The following TMEM63C variants were observed in gnomAD, a reference collection of about 807,000 sequenced individuals.
TMEM63C encodes the protein transmembrane protein 63C, also known as osmosensitive cation channel TMEM63C.
Under a neutral mutation model 99.2 loss-of-function variants are expected in TMEM63C, and 32 were observed. The ratio of observed to expected loss-of-function variants is 0.32; its 90% CI spans 0.24 to 0.43. TMEM63C has a LOEUF of 0.43. Ranked by LOEUF, TMEM63C falls within the 20% of genes least tolerant of loss-of-function variation. TMEM63C has a pLI of 1.00. For synonymous variants in TMEM63C, 376 were observed against 397.9 expected (o/e 0.94, Z 0.66); for missense variants, 826 against 1,053.0 (o/e 0.78, Z 2.98).
rs1335779502 is a variant in TMEM63C at position 77,220,097 on chromosome 14, G to T, written c.312+10G>T. The T allele has an allele frequency of 6.4e-7, 1 of 1,554,806 alleles. No individual in the cohort carries two copies. The highest frequency in any genetic ancestry group is 1.4e-5 in the African/African-American group (1 of 73,332). ...GGAACGCAGAGACAAGGTGAGTGCT[G>T]GGAGCGGTCTGGGCGGTGGGAGTCC... On this transcript the variant is annotated intron_variant, in intron 5 of 23. Coordinates refer to ENST00000298351, the MANE Select transcript of TMEM63C (RefSeq NM_020431.4).
At chr14:77,237,204 G>A (rs1209567343) in intron 9 of TMEM63C, among the ~76,000 whole-genome samples, 2 of 152,094 alleles carry the variant, frequency 1.3e-5, no homozygotes, top group Non-Finnish European at 2.9e-5. Context: ...AAGGCCCAGT[G>A]GACCAGCGGG....
At chr14:77,220,136 G>T in intron 5 of TMEM63C, 49 bp downstream of exon 5, 2 of 1,516,598 alleles carry the variant, frequency 1.3e-6, no homozygotes, top group Non-Finnish European at 1.8e-6. Flanking sequence ...CACTGGGCAG[G>T]CAGGCGTGGT....
At chr14:77,231,814 C>A in intron 7 of TMEM63C, 84 bp downstream of exon 7, 2 of 1,438,292 alleles carry the variant, frequency 1.4e-6, no homozygotes, top group Non-Finnish European at 1.9e-6. Flanking sequence ...GGTTGAGGGT[C>A]TAGACATCTA....
intron 2 of TMEM63C, among the ~76,000 whole-genome samples, chr14:77,215,684 C>T (rs1232702627): frequency 6.6e-6 from 1 of 151,810 alleles, no homozygotes; most frequent in Non-Finnish European, 1.5e-5. Flanking sequence ...CGCCGCCACT[C>T]CTGGGACCAG....
intron 1 of TMEM63C, among the ~76,000 whole-genome samples, chr14:77,190,289 T>C (rs1192534141): frequency 6.6e-6 from 1 of 151,862 alleles, no homozygotes; most frequent in Non-Finnish European, 1.5e-5. Context: ...TTCATAAAAT[T>C]CTCCTCCAAA....
intron 13 of TMEM63C, 127 bp downstream of exon 13, chr14:77,240,735 G>T: frequency 8.2e-7 from 1 of 1,226,198 alleles, no homozygotes; most frequent in Non-Finnish European, 1.1e-6. Context: ...ACAGGCAGCT[G>T]CCATCTGGCT....
At chr14:77,236,880 A>C in intron 9 of TMEM63C, 148 bp downstream of exon 9, 3 of 632,454 alleles carry the variant, frequency 4.7e-6, no homozygotes, top group Non-Finnish European at 8.5e-6. Flanking sequence ...AGCAGGGGCC[A>C]AGCTTCCTCC....
intron 1 of TMEM63C, among the ~76,000 whole-genome samples, chr14:77,203,992 G>A (rs936554221): frequency 6.6e-6 from 1 of 152,262 alleles, no homozygotes; most frequent in East Asian, 1.9e-4. Flanking sequence ...CCAGACTCCT[G>A]CAGAGGAAGC....
chr14:77,243,152 TGTGGAG>T, intron 15 of TMEM63C, 96 bp downstream of exon 15: 2 of 1,414,950 alleles, frequency 1.4e-6, no homozygotes, highest in Non-Finnish European at 1.9e-6. Flanking sequence ...GGGAGGGGGC[TGTGGAG>T]CCCATACAGT....
chr14:77,215,361 G>T (rs528962577), intron 2 of TMEM63C, among the ~76,000 whole-genome samples: 1 of 152,070 alleles, frequency 6.6e-6, no homozygotes, highest in Non-Finnish European at 1.5e-5. Flanking sequence ...AGCACTTTGG[G>T]AGGCCGAGGT....
chr14:77,203,660 G>A (rs1184201918), intron 1 of TMEM63C, among the ~76,000 whole-genome samples: 1 of 152,262 alleles, frequency 6.6e-6, no homozygotes, highest in Non-Finnish European at 1.5e-5. Flanking sequence ...CATATGTAAT[G>A]GATCCCTGCC....
intron 14 of TMEM63C, 147 bp from the exon 15 acceptor site, chr14:77,242,756 T>C (rs906228147): frequency 2.1e-6 from 2 of 965,958 alleles, no homozygotes; most frequent in South Asian, 1.5e-5. Flanking sequence ...CAGGGGACGG[T>C]CCAGGGTCCT....
intron 1 of TMEM63C, among the ~76,000 whole-genome samples, chr14:77,183,926 A>G (rs1004056814): frequency 6.6e-6 from 1 of 152,118 alleles, no homozygotes; most frequent in East Asian, 1.9e-4. Context: ...CTAGCAGAGA[A>G]AGGGTCAGGC....
chr14:77,244,312 G>T, intron 15 of TMEM63C, 37 bp from the exon 16 acceptor site: 1 of 1,474,630 alleles, frequency 6.8e-7, no homozygotes, highest in Non-Finnish European at 9.5e-7. Flanking sequence ...TGCTTGCATT[G>T]ACGTCTCTCC....
chr14:77,196,429 T>C (rs7155226), intron 1 of TMEM63C, among the ~76,000 whole-genome samples: 77,821 of 152,156 alleles, frequency 0.51, 20,544 homozygotes, highest in African/African-American at 0.62. Flanking sequence ...AACCCCATTC[T>C]GAAGGGCGCT....
chr14:77,225,662 C>G (rs1159079933), intron 6 of TMEM63C, among the ~76,000 whole-genome samples: 3 of 152,178 alleles, frequency 2.0e-5, no homozygotes, highest in African/African-American at 4.8e-5. Flanking sequence ...AGCCCACTGC[C>G]CCTGTTATCT....
At chr14:77,182,551 C>G (rs763384324) in intron 1 of TMEM63C, among the ~76,000 whole-genome samples, 13 of 152,140 alleles carry the variant, frequency 8.5e-5, no homozygotes, top group Non-Finnish European at 1.6e-4. Context: ...ACTGAGCAGG[C>G]CCTACAGAGC....
At chr14:77,211,056 G>A (rs549279657) in intron 1 of TMEM63C, among the ~76,000 whole-genome samples, 24 of 152,346 alleles carry the variant, frequency 1.6e-4, no homozygotes, top group African/African-American at 5.5e-4. Context: ...AAATGCAGGC[G>A]TAGTGGCTGC....
chr14:77,242,848 T>C, intron 14 of TMEM63C, 55 bp from the exon 15 acceptor site: 3 of 1,605,876 alleles, frequency 1.9e-6, no homozygotes, highest in Non-Finnish European at 2.6e-6. Context: ...AAACAGCACG[T>C]GGGCTCTAAG....
Sources: gnomAD v4.1 joint callset for allele counts (sites outside exome capture counted in the v4.1 genomes callset) on GRCh38, gnomAD v4.1.1 for gene constraint, MANE v1.5 for transcripts, NCBI Gene and HGNC (gene_info 2026-07-23, HGNC 2026-07-21) for gene names.